ZFR: variants seen among roughly 807,000 people sequenced by gnomAD.
ZFR encodes zinc finger RNA binding protein.
A neutral mutation model predicts 130.7 loss-of-function variants in ZFR; 19 were observed. The observed-to-expected ratio is 0.15, with a 90% CI of 0.10 to 0.21. The LOEUF is 0.21. ZFR is among the 10% of genes least tolerant of loss of function. The probability of loss-of-function intolerance (pLI) is 1.00; values close to 1 mark genes in which losing one functional copy is unlikely to be tolerated. For missense variants in ZFR, 872 were observed against 1,321.5 expected, an observed-to-expected ratio of 0.66 and a Z score of 5.27; for synonymous variants, 466 against 456.9, an observed-to-expected ratio of 1.02 and a Z score of -0.25.
At chr5:32,437,040 G>C (rs900715269) in intron 2 of ZFR, among the ~76,000 whole-genome samples, 2 of 152,214 alleles carry the variant, frequency 1.3e-5, no homozygotes, top group Non-Finnish European at 2.9e-5. Context: ...ATTCAGCTTA[G>C]GTAGTCTGAC....
rs535905485 is a variant in ZFR at position 32,438,371 on chromosome 5, C to T, written c.137+5858G>A. Among the ~76,000 whole-genome samples, 37 of 148,304 alleles carry T rather than the reference C, an allele frequency of 2.5e-4. 1 individual carries two copies. The South Asian group carries it at 7.4e-3, about 30-fold the overall frequency. ...CTCCACCTCCTGGATTCAAGCTATT[C>T]TCCTGCCTCAGCCTCCCGAGTAGCT... On this transcript the variant is annotated intron_variant, in intron 2 of 19. Coordinates refer to ENST00000265069, the MANE Select transcript of ZFR (RefSeq NM_016107.5).
chr5:32,377,700 A>T (rs924936952), intron 17 of ZFR, among the ~76,000 whole-genome samples: 4 of 151,992 alleles, frequency 2.6e-5, no homozygotes, highest in Admixed American at 1.3e-4. Context: ...ATATATATAT[A>T]TTTTTGAGAT....
chr5:32,441,708 T>C (rs1754479347), intron 2 of ZFR, among the ~76,000 whole-genome samples: 1 of 152,218 alleles, frequency 6.6e-6, no homozygotes, highest in Non-Finnish European at 1.5e-5. Context: ...CATGTGCTTT[T>C]GTTATTAATG....
intron 2 of ZFR, among the ~76,000 whole-genome samples, chr5:32,442,741 C>A (rs919976700): frequency 6.6e-6 from 1 of 151,974 alleles, no homozygotes; most frequent in African/African-American, 2.4e-5. Context: ...GTGCTACATA[C>A]AATAATGGTA....
chr5:32,371,821 G>T (rs1289810537), intron 17 of ZFR, among the ~76,000 whole-genome samples: 1 of 139,366 alleles, frequency 7.2e-6, no homozygotes, highest in East Asian at 2.1e-4. Flanking sequence ...GCAGATAAAA[G>T]AAAAAATAAA....
At chr5:32,374,080 T>C (rs1029654166) in intron 17 of ZFR, among the ~76,000 whole-genome samples, 9 of 152,166 alleles carry the variant, frequency 5.9e-5, no homozygotes, top group Non-Finnish European at 2.9e-5. Context: ...TGAGAGTCTA[T>C]TCATACAAGT....
chr5:32,385,758 G>A (rs1236708670), intron 14 of ZFR, 109 bp from the exon 15 acceptor site: 3 of 1,243,710 alleles, frequency 2.4e-6, no homozygotes, highest in Non-Finnish European at 3.4e-6. Flanking sequence ...TTCTATATGA[G>A]GACCAGATTA....
chr5:32,371,669 A>T (rs532216366), intron 17 of ZFR, among the ~76,000 whole-genome samples: 2 of 152,310 alleles, frequency 1.3e-5, no homozygotes, highest in Admixed American at 6.5e-5. Flanking sequence ...TCACCAGAAA[A>T]AAGAAAAACA....
chr5:32,398,755 C>T (rs560858761), intron 9 of ZFR, among the ~76,000 whole-genome samples: 5 of 151,140 alleles, frequency 3.3e-5, no homozygotes, highest in East Asian at 2.0e-4. Flanking sequence ...TGTGTGATCT[C>T]GGCTCACTGC....
intron 8 of ZFR, among the ~76,000 whole-genome samples, chr5:32,402,025 C>T (rs1349648224): frequency 1.3e-5 from 2 of 152,184 alleles, no homozygotes; most frequent in African/African-American, 4.8e-5. Flanking sequence ...GAGGCATCCA[C>T]ACCGCCATAT....
intron 5 of ZFR, among the ~76,000 whole-genome samples, chr5:32,410,454 C>T (rs1251595798): frequency 1.3e-5 from 2 of 151,426 alleles, no homozygotes; most frequent in Non-Finnish European, 2.9e-5. Context: ...ACAAAAAATA[C>T]AAAAATAAAA....
intron 12 of ZFR, among the ~76,000 whole-genome samples, chr5:32,389,541 G>A (rs1753115948): frequency 6.6e-6 from 1 of 152,106 alleles, no homozygotes; most frequent in African/African-American, 2.4e-5. Context: ...GTTTCTGACA[G>A]GTATAGAGGC....
Position 32,381,156 on chromosome 5 carries a change from C to G in ZFR, c.2642-984G>C, listed in dbSNP as rs117522559. On this transcript the variant is annotated intron_variant, in intron 15 of 19. Transcript: ENST00000265069. ...AGTGGAAAAGATGCTGATCCTGTGACGATAGATGTGTAGGGTCTTTAAGCT... is the reference window on the plus strand; with the variant it reads ...AGTGGAAAAGATGCTGATCCTGTGAGGATAGATGTGTAGGGTCTTTAAGCT... Among the ~76,000 whole-genome samples the G allele has an allele frequency of 8.5e-5, 13 of 152,062 alleles. No individual in the cohort carries two copies. In the East Asian group the frequency reaches 2.5e-3, roughly 29 times the overall value.
At position 32,364,228 on chromosome 5, in the gene ZFR, A is replaced by G. The variant is rs753913825; in HGVS notation, c.2883T>C (p.Pro961=). Residue 961 remains proline (P), a synonymous_variant, in exon 18 of 20, where the codon CCT becomes CCC. Transcript: ENST00000265069. ...VEKAISSASS[P]QSPGDALRRV... is the part of the protein sequence containing the mutation. Reference sequence around the variant, plus strand: ...TTCTCAGTGCATCCCCAGGGCTCTGAGGGCTAGAAGCACTGCTGATTGCTT... The same window carrying G: ...TTCTCAGTGCATCCCCAGGGCTCTGGGGGCTAGAAGCACTGCTGATTGCTT... 9 of 1,612,310 alleles carry G rather than the reference A, an allele frequency of 5.6e-6. No homozygotes were observed. The East Asian group carries it at 2.0e-4, about 36-fold the overall frequency.
intron 2 of ZFR, among the ~76,000 whole-genome samples, chr5:32,438,253 A>ATTTTTTTT (rs869249272): frequency 0.17 from 9,819 of 59,430 alleles, 1,557 homozygotes; most frequent in Non-Finnish European, 0.19. Context: ...TTATCTGAAA[A>ATTTTTTTT]TTTTTTTTTT....
At chr5:32,380,697 C>T (rs949720392) in intron 15 of ZFR, among the ~76,000 whole-genome samples, 84 of 135,890 alleles carry the variant, frequency 6.2e-4, no homozygotes, top group Non-Finnish European at 4.6e-4. Context: ...CTCTGTCCCC[C>T]AGGCTGGAGT....
At chr5:32,399,330 A>G (rs879342040) in intron 9 of ZFR, among the ~76,000 whole-genome samples, 2 of 152,016 alleles carry the variant, frequency 1.3e-5, no homozygotes, top group Non-Finnish European at 2.9e-5. Flanking sequence ...TAGATGCTAG[A>G]CACCATGCTA....
intron 19 of ZFR, among the ~76,000 whole-genome samples, chr5:32,361,455 A>T (rs1234260459): frequency 6.6e-6 from 1 of 152,204 alleles, no homozygotes; most frequent in Non-Finnish European, 1.5e-5. Flanking sequence ...ATCATAATAT[A>T]CTAATTCTTT....
chr5:32,420,173 A>G (rs116135268), intron 2 of ZFR, 70 bp from the exon 3 acceptor site: 10 of 1,357,686 alleles, frequency 7.4e-6, no homozygotes, highest in Non-Finnish European at 9.6e-6. Flanking sequence ...CTTCAATTAA[A>G]AGCTATTCAA....
Sources: gnomAD v4.1 joint callset for allele counts (sites outside exome capture counted in the v4.1 genomes callset) on GRCh38, gnomAD v4.1.1 for gene constraint, MANE v1.5 for transcripts, NCBI Gene and HGNC (gene_info 2026-07-23, HGNC 2026-07-21) for gene names.